AGXT: variants seen among roughly 807,000 people sequenced by gnomAD.
The protein encoded by AGXT is L-alanine: glyoxylate aminotransferase 1.
In AGXT, 41 loss-of-function variants were observed where a neutral mutation model predicts 46.9. That is an observed-to-expected ratio of 0.88 (90% CI 0.68 to 1.14). The LOEUF (loss-of-function observed/expected upper bound fraction) is 1.14. Among genes scored for constraint, AGXT ranks in the 50% most tolerant of loss-of-function variants. The probability of loss-of-function intolerance (pLI) is 0.00; values close to 1 mark genes in which losing one functional copy is unlikely to be tolerated. For missense variants in AGXT, 525 were observed against 522.7 expected, an observed-to-expected ratio of 1.00 and a Z score of -0.04; for synonymous variants, 244 against 227.9, an observed-to-expected ratio of 1.07 and a Z score of -0.64.
intron 3 of AGXT, among the ~76,000 whole-genome samples, chr2:240,870,979 C>T (rs1334783604): frequency 6.6e-6 from 1 of 152,106 alleles, no homozygotes; most frequent in Non-Finnish European, 1.5e-5. Context: ...AGGCTGGAGG[C>T]AGGAGGCCGA....
chr2:240,871,963 G>C (rs1204891202), intron 4 of AGXT, among the ~76,000 whole-genome samples: 1 of 152,240 alleles, frequency 6.6e-6, no homozygotes, highest in Admixed American at 6.5e-5. Flanking sequence ...TCCACGGCCA[G>C]GGAGGGTCCT....
At chr2:240,870,194 C>T (rs2058983997) in intron 2 of AGXT, among the ~76,000 whole-genome samples, 1 of 152,064 alleles carries the variant, frequency 6.6e-6, no homozygotes, top group East Asian at 1.9e-4. Context: ...TCCTGGAGTC[C>T]CCAGCTCCAA....
At chr2:240,877,135 T>A (rs1373907492) in intron 8 of AGXT, 2 of 394,834 alleles carry the variant, frequency 5.1e-6, no homozygotes, top group Non-Finnish European at 1.0e-5. Context: ...CTGCGGAGGA[T>A]GCCAGGTCGG....
At position 240,875,171 on chromosome 2, in the gene AGXT, C is replaced by T. The variant is rs372482918; in HGVS notation, c.743C>T (p.Ala248Val). The change falls in exon 7 of 11, where the codon GCC becomes GTC. Residue 248 changes from alanine (A) to valine (V), a missense_variant. Ala to Val is a moderately conservative substitution (Grantham distance 64). Transcript: ENST00000307503. ...TTCTACCTGGACATCAAGTGGCTGG[C>T]CAACTTCTGGGGCTGTGACGACCAG... ...FSFYLDIKWL[A>V]NFWGCDDQPR... 1.9e-5 allele frequency: 31 copies of T among 1,613,842 alleles called. 1 individual carries two copies. In the East Asian group the frequency reaches 4.7e-4, roughly 24 times the overall value.
rs2058977540 is a variant in AGXT at position 240,869,125 on chromosome 2, G to A, written c.166-45G>A. ...AAGGGGGTCACTGCCTCCTCACTTG[G>A]GGAGGCGGGGAGCCTGGGTCTCACC... is the stretch of plus-strand genomic sequence containing the variant. On this transcript the variant is annotated intron_variant, in intron 1 of 10. Coordinates refer to ENST00000307503, the MANE Select transcript of AGXT (RefSeq NM_000030.3). 60 of 1,256,618 alleles carry A rather than the reference G, an allele frequency of 4.8e-5. No homozygotes were observed. The Middle Eastern group carries it at 1.0e-3, about 22-fold the overall frequency. The allele number at this position is 1,256,618 out of a possible 1,614,324, so 77.8% of individuals were successfully genotyped here.
intron 6 of AGXT, among the ~76,000 whole-genome samples, chr2:240,874,754 G>T (rs1317470818): frequency 2.0e-5 from 3 of 152,242 alleles, no homozygotes; most frequent in Non-Finnish European, 4.4e-5. Context: ...TTTCAAGCCT[G>T]GCCAGTGTCC....
chr2:240,875,192 A>G lies in AGXT; in HGVS notation c.764A>G (p.Asp255Gly). Residue 255 changes from aspartate (D) to glycine (G), a missense_variant, in exon 7 of 11, where the codon GAC (aspartate) becomes GGC (glycine). Physicochemically the swap from Asp to Gly is moderately conservative, Grantham distance 94 (BLOSUM62 -1). Coordinates refer to ENST00000307503, the MANE Select transcript of AGXT (RefSeq NM_000030.3). ...KWLANFWGCD[D>G]QPRMYHHTIP... is the part of the protein sequence containing the mutation. ...CTGGCCAACTTCTGGGGCTGTGACGACCAGCCCAGGATGTGAGGCCTGGCA... is the reference window on the plus strand; with the variant it reads ...CTGGCCAACTTCTGGGGCTGTGACGGCCAGCCCAGGATGTGAGGCCTGGCA... The G allele has an allele frequency of 6.2e-7, 1 of 1,612,762 alleles. No homozygotes were observed. Among genetic ancestry groups the G allele is most frequent in the African/African-American group, 1.3e-5 (1 of 74,992 alleles).
chr2:240,874,012 C>T lies in AGXT; in HGVS notation c.630C>T (p.Ala210=), dbSNP rs1559569883. The change falls in exon 6 of 11, where the codon GCC becomes GCT. Residue 210 remains alanine (A), a synonymous_variant. Transcript: ENST00000307503. ...IDILYSGSQK[A]LNAPPGTSLI... ...TCCTGTACTCGGGCTCCCAGAAGGC[C>T]CTGAACGCCCCTCCAGGGACCTCGC... 16 of 1,613,738 alleles carry T rather than the reference C, an allele frequency of 9.9e-6. No homozygotes were observed. Among genetic ancestry groups the T allele is most frequent in the Non-Finnish European group, 1.4e-5 (16 of 1,180,016 alleles).
chr2:240,877,394 C>G (rs1209685666), intron 8 of AGXT, 143 bp from the exon 9 acceptor site: 1 of 795,564 alleles, frequency 1.3e-6, no homozygotes, highest in Non-Finnish European at 2.1e-6. Context: ...AGGCCCTGCC[C>G]CAGGCAAAGT....
At chr2:240,875,280 C>A in intron 7 of AGXT, 76 bp downstream of exon 7, 1 of 1,237,338 alleles carries the variant, frequency 8.1e-7, no homozygotes. Context: ...TCTCACTGCA[C>A]TCAGGGATTC....
chr2:240,871,660 G>T (rs2058991563), intron 4 of AGXT, among the ~76,000 whole-genome samples: 9 of 152,162 alleles, frequency 5.9e-5, no homozygotes, highest in Admixed American at 5.9e-4. Context: ...GGTGCTCCCT[G>T]GCCGAGCGCC....
chr2:240,880,456 ATTG>A lies in AGXT; in HGVS notation c.*1637_*1639del, dbSNP rs1217810348. On this transcript the variant is annotated 3_prime_UTR_variant, in exon 11 of 11. Coordinates refer to ENST00000307503, the MANE Select transcript of AGXT (RefSeq NM_000030.3). ...TTCATATTTGGATTTTTATCTTCTT[ATTG>A]TCAATGTGTGATCATTTTAAAATAT... 1.3e-5 allele frequency: 2 copies of A among 148,946 alleles called. No individual in the cohort carries two copies. The highest frequency in any genetic ancestry group is 3.0e-5 in the Non-Finnish European group (2 of 67,742). 9.2% of individuals were successfully genotyped at this position (148,946 alleles called of 1,614,324 possible). A position where few individuals can be genotyped will look rare whatever the true frequency, so the allele number is the denominator to read the frequency against.
rs943335449 is a variant in AGXT, at chr2:240,878,795, C to A, written c.1153C>A (p.Gln385Lys). Residue 385 changes from glutamine (Q) to lysine (K), a missense_variant, in exon 11 of 11, where the codon CAG becomes AAG. Gln to Lys is a moderately conservative substitution (Grantham distance 53). Transcript: ENST00000307503. ...RVTEALRAALQHCPKKKL is the reference protein window; with the variant it reads ...RVTEALRAALKHCPKKKL ...GACGGAGGCCCTGAGGGCGGCCCTG[C>A]AGCACTGCCCCAAGAAGAAGCTGTG... is the stretch of plus-strand genomic sequence containing the variant. 8 of 1,594,110 alleles carry A rather than the reference C, an allele frequency of 5.0e-6. No individual in the cohort carries two copies. The highest frequency in any genetic ancestry group is 6.8e-6 in the Non-Finnish European group (8 of 1,173,480).
intron 8 of AGXT, among the ~76,000 whole-genome samples, chr2:240,876,379 G>A (rs2059024843): frequency 1.3e-5 from 2 of 152,240 alleles, no homozygotes; most frequent in Admixed American, 6.5e-5. Flanking sequence ...GTTCCTGCAG[G>A]CTTGTCCAGC....
At chr2:240,873,348 G>A in intron 5 of AGXT, 1 of 416,466 alleles carries the variant, frequency 2.4e-6, no homozygotes. Flanking sequence ...GAAGAGGAAG[G>A]GCCAGGGCTC....
At chr2:240,870,485 T>C (rs1284594962) in intron 2 of AGXT, among the ~76,000 whole-genome samples, 159 bp from the exon 3 acceptor site, 1 of 152,058 alleles carries the variant, frequency 6.6e-6, no homozygotes, top group Non-Finnish European at 1.5e-5. Context: ...GAGGCTCTCA[T>C]TGGGCAGAGT....
intron 7 of AGXT, among the ~76,000 whole-genome samples, 160 bp from the exon 8 acceptor site, chr2:240,875,774 TC>T (rs1171711258): frequency 6.6e-6 from 1 of 152,226 alleles, no homozygotes; most frequent in Non-Finnish European, 1.5e-5. Context: ...GAAGCTGCCT[TC>T]CCGGTCCAAA....
intron 4 of AGXT, among the ~76,000 whole-genome samples, chr2:240,871,874 TC>T (rs2058992720): frequency 6.6e-6 from 1 of 152,216 alleles, no homozygotes; most frequent in South Asian, 2.1e-4. Context: ...CAGATGGGAT[TC>T]CTGAGAAATG....
chr2:240,872,726 A>T (rs2058998899), intron 4 of AGXT, among the ~76,000 whole-genome samples: 2 of 152,156 alleles, frequency 1.3e-5, no homozygotes, highest in Non-Finnish European at 2.9e-5. Flanking sequence ...GGGTCTCACC[A>T]GGGCCGTGAT....
Sources: gnomAD v4.1 joint callset for allele counts (sites outside exome capture counted in the v4.1 genomes callset) on GRCh38, gnomAD v4.1.1 for gene constraint, MANE v1.5 for transcripts, NCBI Gene and HGNC (gene_info 2026-07-23, HGNC 2026-07-21) for gene names.